AGBL4: variants seen among roughly 807,000 people sequenced by gnomAD.
AGBL4 encodes cytosolic carboxypeptidase 6.
AGBL4 carries 58 observed loss-of-function variants against 66.4 expected under a neutral mutation model. The ratio of observed to expected loss-of-function variants is 0.87; its 90% confidence interval spans 0.71 to 1.09. AGBL4 has a LOEUF of 1.09. Ranked by LOEUF, AGBL4 falls within the 50% of genes least tolerant of loss-of-function variation. AGBL4 has a pLI of 0.00. For missense variants in AGBL4, 579 were observed against 631.0 expected (o/e 0.92, Z 0.88); for synonymous variants, 234 against 222.9 (o/e 1.05, Z -0.44).
intron 1 of AGBL4, among the ~76,000 whole-genome samples, chr1:49,900,045 A>G (rs1053926010): frequency 6.6e-6 from 1 of 152,020 alleles, no homozygotes; most frequent in African/African-American, 2.4e-5. Flanking sequence ...CCATCTCAAA[A>G]AAAAAAGTTT....
At chr1:48,820,687 G>T (rs1329056113) in intron 6 of AGBL4, among the ~76,000 whole-genome samples, 4 of 152,112 alleles carry the variant, frequency 2.6e-5, no homozygotes, top group Non-Finnish European at 5.9e-5. Flanking sequence ...TCAACCTTTG[G>T]ACTGGAACTA....
chr1:48,677,477 G>A (rs981481026), intron 6 of AGBL4, among the ~76,000 whole-genome samples: 4 of 152,204 alleles, frequency 2.6e-5, no homozygotes, highest in Admixed American at 2.0e-4. Context: ...GGGAAATCTC[G>A]GTGGTTGAGC....
chr1:49,958,567 C>T (rs1332775449), intron 1 of AGBL4, among the ~76,000 whole-genome samples: 1 of 151,782 alleles, frequency 6.6e-6, no homozygotes, highest in African/African-American at 2.4e-5. Context: ...AGCTGGAAAC[C>T]ATCATTCTCA....
chr1:48,773,572 T>G (rs976808527), intron 6 of AGBL4, among the ~76,000 whole-genome samples: 1 of 152,148 alleles, frequency 6.6e-6, no homozygotes, highest in Non-Finnish European at 1.5e-5. Context: ...AAACTAAAAT[T>G]ATACTCTGGC....
chr1:48,713,299 G>A (rs1646996360), intron 6 of AGBL4, among the ~76,000 whole-genome samples: 1 of 152,162 alleles, frequency 6.6e-6, no homozygotes, highest in Non-Finnish European at 1.5e-5. Context: ...CCAGGAGCTG[G>A]CCTAGAATAG....
At chr1:48,579,728 G>A (rs994711432) in intron 11 of AGBL4, among the ~76,000 whole-genome samples, 2 of 147,708 alleles carry the variant, frequency 1.4e-5, no homozygotes, top group South Asian at 4.4e-4. Context: ...GGCTAACATG[G>A]TGAAACCCCG....
intron 5 of AGBL4, among the ~76,000 whole-genome samples, chr1:48,915,514 T>C (rs1445770690): frequency 1.3e-5 from 2 of 152,208 alleles, no homozygotes; most frequent in Non-Finnish European, 2.9e-5. Flanking sequence ...GGGACTGTCT[T>C]GGTCACTGTG....
At chr1:49,856,233 T>C (rs140926784) in intron 1 of AGBL4, among the ~76,000 whole-genome samples, 21 of 152,188 alleles carry the variant, frequency 1.4e-4, no homozygotes, top group South Asian at 4.1e-4. Context: ...AGTAGTAAGA[T>C]TGAATGAGTA....
intron 4 of AGBL4, among the ~76,000 whole-genome samples, chr1:49,172,132 T>C (rs1314569600): frequency 6.6e-6 from 1 of 152,134 alleles, no homozygotes; most frequent in African/African-American, 2.4e-5. Flanking sequence ...TAAGAACGAG[T>C]AACAAATTTC....
intron 3 of AGBL4, among the ~76,000 whole-genome samples, chr1:49,333,505 C>A (rs923281741): frequency 3.4e-4 from 52 of 151,870 alleles, no homozygotes; most frequent in Middle Eastern, 3.4e-3. Context: ...AACAAACAAA[C>A]AAAAAAACCA....
chr1:49,163,519 C>T (rs897571929), intron 4 of AGBL4, among the ~76,000 whole-genome samples: 5 of 152,190 alleles, frequency 3.3e-5, no homozygotes, highest in Non-Finnish European at 7.3e-5. Flanking sequence ...CGTATGTTTA[C>T]AAATATCTTG....
intron 3 of AGBL4, among the ~76,000 whole-genome samples, chr1:49,656,198 T>C (rs1399945043): frequency 6.7e-6 from 1 of 150,244 alleles, no homozygotes; most frequent in Non-Finnish European, 1.5e-5. Flanking sequence ...CACAGAAATA[T>C]GAACTACCAT....
chr1:49,865,499 CA>C (rs1396483666), intron 1 of AGBL4, among the ~76,000 whole-genome samples: 1 of 152,144 alleles, frequency 6.6e-6, no homozygotes, highest in Non-Finnish European at 1.5e-5. Flanking sequence ...AAAACCACAG[CA>C]GCCCTATGGG....
At chr1:49,795,287 C>T (rs993242610) in intron 2 of AGBL4, among the ~76,000 whole-genome samples, 4 of 151,900 alleles carry the variant, frequency 2.6e-5, no homozygotes, top group Admixed American at 2.6e-4. Context: ...AATGGCAAGA[C>T]ATACTATGTA....
chr1:48,687,925 T>C (rs888584343), intron 6 of AGBL4, among the ~76,000 whole-genome samples: 2 of 152,240 alleles, frequency 1.3e-5, no homozygotes, highest in African/African-American at 2.4e-5. Context: ...CAGCTGCTCC[T>C]CCTCCAGCTA....
chr1:49,650,931 T>C (rs1645991510), intron 3 of AGBL4, among the ~76,000 whole-genome samples: 1 of 152,142 alleles, frequency 6.6e-6, no homozygotes, highest in Non-Finnish European at 1.5e-5. Context: ...TCCAGCACTA[T>C]TCATGGTAGC....
intron 3 of AGBL4, among the ~76,000 whole-genome samples, chr1:49,414,504 G>A (rs141126900): frequency 7.6e-4 from 116 of 152,236 alleles, no homozygotes; most frequent in African/African-American, 2.6e-3. Context: ...GATGGACACC[G>A]GTTTTGAGAG....
At chr1:49,162,004 TACTA>T (rs1249643712) in intron 4 of AGBL4, among the ~76,000 whole-genome samples, 1 of 152,190 alleles carries the variant, frequency 6.6e-6, no homozygotes, top group Non-Finnish European at 1.5e-5. Flanking sequence ...TGCAATCTCT[TACTA>T]ACTGTTTGAT....
intron 1 of AGBL4, among the ~76,000 whole-genome samples, chr1:49,940,874 A>T (rs1170675707): frequency 1.3e-5 from 2 of 152,112 alleles, no homozygotes; most frequent in East Asian, 3.9e-4. Flanking sequence ...AATAGAAAAG[A>T]TTCACAAAAC....
Sources: gnomAD v4.1 joint callset for allele counts (sites outside exome capture counted in the v4.1 genomes callset) on GRCh38, gnomAD v4.1.1 for gene constraint, MANE v1.5 for transcripts, NCBI Gene and HGNC (gene_info 2026-07-23, HGNC 2026-07-21) for gene names.